Variants in STXBP5 observed in about 807,000 individuals in gnomAD.
STXBP5 encodes syntaxin-binding protein 5.
Under a neutral mutation model 152.4 loss-of-function variants are expected in STXBP5, and 50 were observed. The observed-to-expected ratio is 0.33, with a 90% CI of 0.26 to 0.42. The LOEUF is 0.42. Ranked by LOEUF, STXBP5 falls within the 10% of genes least tolerant of loss-of-function variation. STXBP5 has a pLI of 1.00. For synonymous variants in STXBP5, 492 were observed against 494.7 expected (o/e 0.99, Z 0.07); for missense variants, 1,167 against 1,388.6 (o/e 0.84, Z 2.54).
chr6:147,237,605 C>T (rs1035247872), intron 3 of STXBP5, among the ~76,000 whole-genome samples: 3 of 152,132 alleles, frequency 2.0e-5, no homozygotes, highest in Non-Finnish European at 2.9e-5. Flanking sequence ...GTAGATAAAA[C>T]GATGCTTTTA....
chr6:147,293,995 A>G (rs1781399816), intron 9 of STXBP5, among the ~76,000 whole-genome samples: 1 of 152,212 alleles, frequency 6.6e-6, no homozygotes. Context: ...TGGAATTGAG[A>G]TGTTACATAG....
chr6:147,286,783 C>G (rs1205170809), intron 8 of STXBP5, among the ~76,000 whole-genome samples: 1 of 151,746 alleles, frequency 6.6e-6, no homozygotes, highest in Non-Finnish European at 1.5e-5. Context: ...TAAATGAGAT[C>G]CTATCATACC....
intron 2 of STXBP5, among the ~76,000 whole-genome samples, chr6:147,219,117 A>T (rs1777327746): frequency 6.6e-6 from 1 of 152,160 alleles, no homozygotes; most frequent in Non-Finnish European, 1.5e-5. Flanking sequence ...GAGCAACTTC[A>T]CCTGTATTCG....
Position 147,278,138 on chromosome 6 carries a change from G to A in STXBP5, c.772G>A (p.Asp258Asn). Residue 258 changes from aspartate (D) to asparagine (N), a missense_variant, in exon 8 of 28, where the codon GAT becomes AAT. Asp to Asn is a conservative substitution (Grantham distance 23). Around this residue, in one of 3 missense-constraint regions of STXBP5, gnomAD observed 310 missense variants for 346.1 expected, o/e 0.90. Coordinates refer to ENST00000321680, the MANE Select transcript of STXBP5 (RefSeq NM_001127715.4). ...EGKQFICSHS[D>N]GTLTIWNVRS... Reference sequence around the variant, plus strand: ...AAAACAATTTATTTGCAGTCATTCAGATGGCACCTTGACTATATGGAATGT... The same window carrying A: ...AAAACAATTTATTTGCAGTCATTCAAATGGCACCTTGACTATATGGAATGT... The A allele has an allele frequency of 6.2e-7, 1 of 1,613,014 alleles. No individual in the cohort carries two copies. The highest frequency in any genetic ancestry group is 8.5e-7 in the Non-Finnish European group (1 of 1,179,272).
intron 24 of STXBP5, 115 bp downstream of exon 24, chr6:147,363,819 TTTA>T: frequency 9.7e-6 from 14 of 1,442,338 alleles, no homozygotes; most frequent in Non-Finnish European, 1.3e-5. Context: ...ACTCTGAGAA[TTTA>T]TTTTTATTCT....
At position 147,296,524 on chromosome 6, in the gene STXBP5, G is replaced by A. The variant is rs114306575; in HGVS notation, c.917+5352G>A. 8.1e-3 allele frequency among the ~76,000 whole-genome samples: 1,234 copies of A among 152,168 alleles called. 19 individuals are homozygous for A. The highest frequency in any genetic ancestry group is 0.029 in the African/African-American group (1,184 of 41,498). ...GCTACTCCATAAAATTGGAACAGGTGACTATTCAACCAAATGTGCAGATTC... is the reference window on the plus strand; with the variant it reads ...GCTACTCCATAAAATTGGAACAGGTAACTATTCAACCAAATGTGCAGATTC... On this transcript the variant is annotated intron_variant, in intron 9 of 27. Coordinates refer to ENST00000321680, the MANE Select transcript of STXBP5 (RefSeq NM_001127715.4).
chr6:147,334,297 G>T, intron 19 of STXBP5, 75 bp downstream of exon 19: 2 of 1,333,192 alleles, frequency 1.5e-6, no homozygotes, highest in Non-Finnish European at 2.1e-6. Context: ...TGTACATTTT[G>T]ATAGATATGC....
intron 4 of STXBP5, among the ~76,000 whole-genome samples, chr6:147,240,975 G>A (rs1264340214): frequency 6.6e-6 from 1 of 152,196 alleles, no homozygotes; most frequent in Non-Finnish European, 1.5e-5. Flanking sequence ...AACAGAAAAT[G>A]GGATATCTTG....
intron 7 of STXBP5, among the ~76,000 whole-genome samples, chr6:147,276,620 A>C (rs561399194): frequency 6.6e-6 from 1 of 152,282 alleles, no homozygotes; most frequent in East Asian, 1.9e-4. Context: ...ATTTTTTAAA[A>C]AACATTTAAA....
chr6:147,331,398 CA>C (rs1783562421), intron 18 of STXBP5, among the ~76,000 whole-genome samples: 1 of 152,044 alleles, frequency 6.6e-6, no homozygotes, highest in South Asian at 2.1e-4. Flanking sequence ...CACAGTGAAA[CA>C]TAATTGGAGA....
chr6:147,218,426 T>C (rs1777289725), intron 2 of STXBP5, among the ~76,000 whole-genome samples: 1 of 152,194 alleles, frequency 6.6e-6, no homozygotes, highest in Non-Finnish European at 1.5e-5. Context: ...AATTAATTAT[T>C]TCAAATTCCA....
intron 2 of STXBP5, among the ~76,000 whole-genome samples, chr6:147,223,630 G>A (rs1001164341): frequency 6.6e-6 from 1 of 152,116 alleles, no homozygotes; most frequent in Non-Finnish European, 1.5e-5. Flanking sequence ...AGAATAATTT[G>A]TGGAGCTGAA....
At chr6:147,236,635 A>G (rs192771696) in intron 3 of STXBP5, among the ~76,000 whole-genome samples, 60 of 152,310 alleles carry the variant, frequency 3.9e-4, no homozygotes, top group African/African-American at 1.4e-3. Flanking sequence ...GTACAGATGC[A>G]TGTAAGGACT....
intron 4 of STXBP5, among the ~76,000 whole-genome samples, chr6:147,246,757 T>A (rs1482069189): frequency 2.6e-5 from 4 of 152,128 alleles, no homozygotes; most frequent in African/African-American, 4.8e-5. Context: ...ACATTAATAA[T>A]CAAGACTTTA....
At position 147,204,503 on chromosome 6, in the gene STXBP5, C is replaced by G; in HGVS notation, c.-30C>G. 6.2e-7 allele frequency: 1 copy of G among 1,608,062 alleles called. No homozygotes were observed. Among genetic ancestry groups the G allele is most frequent in the Non-Finnish European group, 8.5e-7 (1 of 1,178,298 alleles). ...CCCGGGGACCCCCTGTGCCTCCCCT[C>G]CCGGGCTGCGGGGGAGCCCCTCCGA... is the stretch of plus-strand genomic sequence containing the variant. On this transcript the variant is annotated 5_prime_UTR_variant, in exon 1 of 28. Transcript: ENST00000321680. This position sits in a 1 kb window ranked among gnomAD's most constrained non-coding sequence, Gnocchi z 4.3.
At chr6:147,205,605 C>T (rs1428288863) in intron 1 of STXBP5, among the ~76,000 whole-genome samples, 1 of 152,062 alleles carries the variant, frequency 6.6e-6, no homozygotes, top group African/African-American at 2.4e-5. Flanking sequence ...GAAATGAATA[C>T]TGCCAAAATA....
intron 19 of STXBP5, among the ~76,000 whole-genome samples, 181 bp from the exon 20 acceptor site, chr6:147,338,998 T>C (rs1265917933): frequency 1.3e-5 from 2 of 151,920 alleles, no homozygotes; most frequent in East Asian, 3.8e-4. Flanking sequence ...GCACTACTTA[T>C]TACTATACTG....
At chr6:147,225,417 C>T (rs1463173414) in intron 2 of STXBP5, among the ~76,000 whole-genome samples, 3 of 152,140 alleles carry the variant, frequency 2.0e-5, no homozygotes, top group Non-Finnish European at 4.4e-5. Context: ...TATGTGTACT[C>T]TAGTCTTCCA....
chr6:147,325,955 T>C (rs532872368), intron 17 of STXBP5, among the ~76,000 whole-genome samples: 2 of 152,306 alleles, frequency 1.3e-5, no homozygotes, highest in South Asian at 4.1e-4. Flanking sequence ...ATTTCCATTG[T>C]ATTAGGTATA....
Sources: allele counts gnomAD v4.1 joint callset (sites outside exome capture counted in the v4.1 genomes callset), GRCh38; gene constraint gnomAD v4.1.1; regional missense constraint gnomAD v4.1.1; non-coding constraint Gnocchi (gnomAD v3.1); transcripts MANE v1.5; gene names NCBI Gene and HGNC (gene_info 2026-07-23, HGNC 2026-07-21).